The following CT45A1 variants were observed in gnomAD, a reference collection of about 807,000 sequenced individuals.
CT45A1 encodes cancer/testis antigen 45-1.
chrX:135,717,296 C>T (rs2087995220), intron 1 of CT45A1, among the ~76,000 whole-genome samples: 1 of 111,951 alleles, frequency 8.9e-6, no homozygotes, highest in Admixed American at 9.5e-5. Context: ...CGCCTGTAAT[C>T]CCAGCACTGT....
chrX:135,715,217 TTA>T (rs1231597523), intron 1 of CT45A1, among the ~76,000 whole-genome samples: 22 of 67,146 alleles, frequency 3.3e-4, no homozygotes, highest in Admixed American at 7.6e-4. Flanking sequence ...TATATAATAC[TTA>T]TATATATATA....
Position 135,715,768 on chromosome X carries a change from A to G in CT45A1, c.-7+2078A>G, listed in dbSNP as rs1229683472. 3.1e-4 allele frequency among the ~76,000 whole-genome samples: 33 copies of G among 106,293 alleles called. 1 individual carries two copies. Among genetic ancestry groups the G allele is most frequent in the African/African-American group, 1.1e-3 (32 of 29,166 alleles). 92.3% of individuals were successfully genotyped at this position (106,293 alleles called of 115,157 possible). ...TGTGCAGAACGTGCAGGTTTGTTAC[A>G]TAGGTAGACACATGCCATGGTGGTT... On this transcript the variant is annotated intron_variant, in intron 1 of 4. Transcript: ENST00000594565.
intron 1 of CT45A1, among the ~76,000 whole-genome samples, chrX:135,716,450 T>G: frequency 9.0e-6 from 1 of 111,575 alleles, no homozygotes; most frequent in Middle Eastern, 4.2e-3. Context: ...CCCCCAAATT[T>G]TAGTGGGATG....
At chrX:135,712,937 T>TTTTTTC (rs1556570066), upstream of CT45A1, among the ~76,000 whole-genome samples, 7 of 69,550 alleles carry the variant, frequency 1.0e-4, no homozygotes, top group African/African-American at 3.7e-4. Context: ...TCTTTTCTTT[T>TTTTTTC]TTTCTTTCTT....
upstream of CT45A1, among the ~76,000 whole-genome samples, chrX:135,712,970 T>C (rs868931587): frequency 8.1e-5 from 5 of 61,869 alleles, no homozygotes; most frequent in African/African-American, 2.9e-4. Flanking sequence ...TCTTTCTTTC[T>C]TTCTTTTCTT....
chrX:135,716,145 G>T (rs2087987487), intron 1 of CT45A1, among the ~76,000 whole-genome samples: 1 of 111,377 alleles, frequency 9.0e-6, no homozygotes, highest in Non-Finnish European at 1.9e-5. Flanking sequence ...AAACATACGT[G>T]TGCATGTGTC....
rs781891037 is a variant in CT45A1, at chrX:135,717,982, G to C, written c.-6-953G>C. Among the ~76,000 whole-genome samples, 171 of 111,929 alleles carry C rather than the reference G, an allele frequency of 1.5e-3. 1 individual carries two copies. Among genetic ancestry groups the C allele is most frequent in the African/African-American group, 5.3e-3 (163 of 30,817 alleles). On this transcript the variant is annotated intron_variant, in intron 1 of 4. Transcript: ENST00000594565. ...AATGGATAGTGGACATCTTTGTCTT[G>C]TTTTCAAACTCAGGGAGAAAATACT...
upstream of CT45A1, among the ~76,000 whole-genome samples, chrX:135,712,267 G>A (rs1345239154): frequency 2.5e-5 from 2 of 80,199 alleles, no homozygotes; most frequent in Non-Finnish European, 4.4e-5. Context: ...CAAACTCCTA[G>A]TCTCAAGCCT....
chrX:135,710,172 G>C (rs2087927217), upstream of CT45A1: 1 of 112,835 alleles, frequency 8.9e-6, no homozygotes, highest in African/African-American at 3.3e-5. Flanking sequence ...GTGGCGAAAT[G>C]GCTGCCATAG....
Position 135,715,301 on chromosome X carries a change from T to C in CT45A1, c.-7+1611T>C, listed in dbSNP as rs1479714116. On this transcript the variant is annotated intron_variant, in intron 1 of 4. Coordinates refer to ENST00000594565, the MANE Select transcript of CT45A1 (RefSeq NM_001017417.3). ...ATAATACTTATATATATAATACTTA[T>C]ATATACAATACTTATATATAATACT... Among the ~76,000 whole-genome samples, 58 of 73,076 alleles carry C rather than the reference T, an allele frequency of 7.9e-4. 1 individual carries two copies. The highest frequency in any genetic ancestry group is 6.1e-4 in the South Asian group (1 of 1,651). The allele number at this position is 73,076 out of a possible 115,157, so 63.5% of individuals were successfully genotyped here.
chrX:135,709,748 G>T (rs2087925207), upstream of CT45A1, among the ~76,000 whole-genome samples: 1 of 111,358 alleles, frequency 9.0e-6, no homozygotes, highest in African/African-American at 3.3e-5. Context: ...GGGTTGGAGG[G>T]TTGAAAAACT....
At chrX:135,717,543 C>T (rs1292092204) in intron 1 of CT45A1, among the ~76,000 whole-genome samples, 5 of 99,361 alleles carry the variant, frequency 5.0e-5, no homozygotes, top group East Asian at 3.1e-4. Context: ...AGGGAGGCTC[C>T]GACTCAAAAA....
At chrX:135,715,492 AT>A (rs1886226846) in intron 1 of CT45A1, among the ~76,000 whole-genome samples, 5 of 79,823 alleles carry the variant, frequency 6.3e-5, no homozygotes, top group Non-Finnish European at 1.1e-4. Flanking sequence ...TAATACTTAT[AT>A]GTATATAATA....
chrX:135,712,870 A>C (rs2087942655), upstream of CT45A1, among the ~76,000 whole-genome samples: 2 of 108,963 alleles, frequency 1.8e-5, no homozygotes, highest in African/African-American at 3.3e-5. Context: ...TGAAGATTTC[A>C]GTTTGTTGAT....
chrX:135,714,266 A>G (rs782528463), intron 1 of CT45A1, among the ~76,000 whole-genome samples: 2 of 107,342 alleles, frequency 1.9e-5, no homozygotes, highest in Non-Finnish European at 3.8e-5. Flanking sequence ...CTCAGCTAGG[A>G]TGTGTTGGCT....
At chrX:135,714,218 C>G (rs1374417405) in intron 1 of CT45A1, among the ~76,000 whole-genome samples, 2 of 109,417 alleles carry the variant, frequency 1.8e-5, no homozygotes, top group African/African-American at 6.7e-5. Context: ...GTGCTGATGT[C>G]GTCCGTGAGG....
At chrX:135,711,363 G>A (rs1324552933), upstream of CT45A1, among the ~76,000 whole-genome samples, 1 of 111,761 alleles carries the variant, frequency 8.9e-6, no homozygotes, top group Admixed American at 9.5e-5. Flanking sequence ...AATACAATAG[G>A]CTAGGAAGCT....
chrX:135,715,256 T>C (rs1323512788), intron 1 of CT45A1, among the ~76,000 whole-genome samples: 6 of 87,594 alleles, frequency 6.8e-5, no homozygotes, highest in African/African-American at 2.1e-4. Context: ...TACTTATATA[T>C]ATATAATACT....
chrX:135,714,238 C>T (rs1412903636), intron 1 of CT45A1, among the ~76,000 whole-genome samples: 2 of 109,137 alleles, frequency 1.8e-5, no homozygotes, highest in Non-Finnish European at 3.8e-5. Flanking sequence ...GCACATTTGC[C>T]CTTGGATGTC....
Sources: gnomAD v4.1 joint callset for allele counts (sites outside exome capture counted in the v4.1 genomes callset) on GRCh38, gnomAD v4.1.1 for gene constraint, MANE v1.5 for transcripts, NCBI Gene and HGNC (gene_info 2026-07-23, HGNC 2026-07-21) for gene names.